RANBP17: variants seen among roughly 807,000 people sequenced by gnomAD.
RANBP17 encodes ran-binding protein 17.
RANBP17 carries 158 observed loss-of-function variants against 141.2 expected under a neutral mutation model. The ratio of observed to expected loss-of-function variants is 1.12; its 90% CI spans 0.98 to 1.28. The LOEUF (loss-of-function observed/expected upper bound fraction) is 1.28. Ranked by LOEUF, RANBP17 falls within the 50% of genes most tolerant of loss-of-function variation. The pLI is 0.00. For missense variants in RANBP17, 1,438 were observed against 1,290.7 expected (o/e 1.11, Z -1.75); for synonymous variants, 430 against 450.0 (o/e 0.96, Z 0.56).
At chr5:171,000,548 A>G (rs915739316) in intron 14 of RANBP17, among the ~76,000 whole-genome samples, 17 of 152,236 alleles carry the variant, frequency 1.1e-4, no homozygotes, top group African/African-American at 2.7e-4. Flanking sequence ...TATATTGACT[A>G]TTGAAATCTA....
intron 14 of RANBP17, among the ~76,000 whole-genome samples, chr5:171,095,396 A>G (rs1312568696): frequency 8.5e-5 from 13 of 152,198 alleles, no homozygotes; most frequent in Admixed American, 8.5e-4. Context: ...GAAATAGGCT[A>G]TAGACTTTAT....
At chr5:171,002,576 TAG>T (rs1472453669) in intron 14 of RANBP17, among the ~76,000 whole-genome samples, 1 of 152,150 alleles carries the variant, frequency 6.6e-6, no homozygotes, top group Non-Finnish European at 1.5e-5. Context: ...AAGGCATATT[TAG>T]AGTCAGTATA....
At chr5:171,291,603 G>C (rs1359340238) in intron 25 of RANBP17, among the ~76,000 whole-genome samples, 3 of 152,136 alleles carry the variant, frequency 2.0e-5, no homozygotes, top group African/African-American at 4.8e-5. Context: ...TCCCACCAGA[G>C]ATTTCATATG....
chr5:170,898,308 T>C (rs4301238), intron 5 of RANBP17, among the ~76,000 whole-genome samples: 91,082 of 151,658 alleles, frequency 0.6, 29,037 homozygotes, highest in South Asian at 0.88. Context: ...TTCATACGGT[T>C]GTTGGCCACA....
intron 16 of RANBP17, among the ~76,000 whole-genome samples, chr5:171,181,595 A>G (rs1760864212): frequency 6.6e-6 from 1 of 152,264 alleles, no homozygotes; most frequent in South Asian, 2.1e-4. Flanking sequence ...TATATTTTAA[A>G]TAAGCAGGTA....
chr5:171,148,170 T>C (rs1195305061), intron 14 of RANBP17, among the ~76,000 whole-genome samples: 2 of 152,080 alleles, frequency 1.3e-5, no homozygotes. Context: ...ATGTGCTTTG[T>C]TAAACAGATG....
intron 22 of RANBP17, among the ~76,000 whole-genome samples, chr5:171,237,100 G>T (rs143393305): frequency 6.6e-6 from 1 of 152,014 alleles, no homozygotes; most frequent in Non-Finnish European, 1.5e-5. Context: ...AGAGTCGGTC[G>T]CAGATGAGCA....
intron 14 of RANBP17, among the ~76,000 whole-genome samples, chr5:170,979,970 T>A (rs149590321): frequency 6.6e-6 from 1 of 152,334 alleles, no homozygotes; most frequent in East Asian, 1.9e-4. Context: ...AAGAGACTTA[T>A]TGATTGGCTT....
At chr5:171,170,874 C>T (rs1347037194) in intron 15 of RANBP17, among the ~76,000 whole-genome samples, 1 of 152,094 alleles carries the variant, frequency 6.6e-6, no homozygotes, top group African/African-American at 2.4e-5. Flanking sequence ...CAGTGAGCCT[C>T]TATTTGGCTT....
At chr5:171,254,504 A>G (rs1386797523) in intron 24 of RANBP17, among the ~76,000 whole-genome samples, 1 of 152,212 alleles carries the variant, frequency 6.6e-6, no homozygotes, top group Admixed American at 6.5e-5. Flanking sequence ...ATTTTAATCA[A>G]GTAGACTAGG....
intron 3 of RANBP17, among the ~76,000 whole-genome samples, chr5:170,890,004 C>T (rs1394589203): frequency 1.3e-5 from 2 of 152,024 alleles, no homozygotes; most frequent in Non-Finnish European, 2.9e-5. Context: ...TTTTCCCTGC[C>T]TTAGATAATG....
chr5:171,169,315 C>T (rs189185169), intron 14 of RANBP17, among the ~76,000 whole-genome samples: 2 of 152,144 alleles, frequency 1.3e-5, no homozygotes, highest in African/African-American at 4.8e-5. Flanking sequence ...TGGTGACTGG[C>T]AGGGATAACC....
intron 5 of RANBP17, among the ~76,000 whole-genome samples, chr5:170,898,924 CT>C (rs1209311709): frequency 6.6e-6 from 1 of 152,070 alleles, no homozygotes; most frequent in Non-Finnish European, 1.5e-5. Flanking sequence ...TTACTGTAGC[CT>C]TGTAGTATAC....
chr5:171,199,922 A>T, intron 19 of RANBP17, 149 bp downstream of exon 19: 1 of 479,440 alleles, frequency 2.1e-6, no homozygotes, highest in Non-Finnish European at 3.7e-6. Flanking sequence ...CTTTTATTTA[A>T]GCATTTTTCT....
At position 171,299,688 on chromosome 5, in the gene RANBP17, A is replaced by G. The variant is rs978372215; in HGVS notation, c.*830A>G. On this transcript the variant is annotated 3_prime_UTR_variant, in exon 28 of 28. Transcript: ENST00000523189. ...CAGCTCTGCCTTCTTAGGGCTACCC[A>G]AAACAGTTCTAGGTGCTAAAATTCA... The G allele has an allele frequency of 8.8e-6, 2 of 227,886 alleles. No individual in the cohort carries two copies. The highest frequency in any genetic ancestry group is 4.4e-5 in the African/African-American group (2 of 45,038). The allele number at this position is 227,886 out of a possible 1,614,324, so 14.1% of individuals were successfully genotyped here. A position where few individuals can be genotyped will look rare whatever the true frequency, so the allele number is the denominator to read the frequency against.
chr5:171,137,596 GTGTGTGTGTC>G lies in RANBP17; in HGVS notation c.1711-32524_1711-32515del, dbSNP rs1275222408. 7.4e-4 allele frequency among the ~76,000 whole-genome samples: 107 copies of G among 143,676 alleles called. 1 individual carries two copies. Among genetic ancestry groups the G allele is most frequent in the African/African-American group, 2.7e-3 (98 of 35,826 alleles). 94.3% of individuals were successfully genotyped at this position (143,676 alleles called of 152,430 possible). ...GATGTGTGTGTGTGTGTGTGTGTGT[GTGTGTGTGTC>G]TGTGTGTGTGTGTGTGTGTCTGTGT... On this transcript the variant is annotated intron_variant, in intron 14 of 27. Coordinates refer to ENST00000523189, the MANE Select transcript of RANBP17 (RefSeq NM_022897.5).
intron 14 of RANBP17, among the ~76,000 whole-genome samples, chr5:171,093,928 G>T (rs62392980): frequency 0.11 from 16,706 of 151,734 alleles, 1,216 homozygotes; most frequent in Non-Finnish European, 0.16. Flanking sequence ...CCTGGCTCCT[G>T]GTAAGTTGCC....
intron 13 of RANBP17, among the ~76,000 whole-genome samples, chr5:170,961,860 C>T (rs1776169125): frequency 6.6e-6 from 1 of 152,184 alleles, no homozygotes; most frequent in African/African-American, 2.4e-5. Flanking sequence ...TCTCTTCTTC[C>T]TTTCCCTTCC....
intron 14 of RANBP17, among the ~76,000 whole-genome samples, chr5:171,112,832 G>A (rs1755339807): frequency 6.6e-6 from 1 of 151,750 alleles, no homozygotes; most frequent in African/African-American, 2.4e-5. Context: ...TAATTTGTGA[G>A]GAATTAAACA....
Sources: allele counts gnomAD v4.1 joint callset (sites outside exome capture counted in the v4.1 genomes callset), GRCh38; gene constraint gnomAD v4.1.1; transcripts MANE v1.5; gene names NCBI Gene and HGNC (gene_info 2026-07-23, HGNC 2026-07-21).